The following STXBP5 variants were observed in gnomAD, a reference collection of about 807,000 sequenced individuals.
The protein encoded by STXBP5 is syntaxin-binding protein 5.
In STXBP5, 50 loss-of-function variants were observed where a neutral mutation model predicts 152.4. That is an observed-to-expected ratio of 0.33 (90% CI 0.26 to 0.42). The LOEUF is 0.42. Among genes scored for constraint, STXBP5 ranks in the 10% least tolerant of loss-of-function variants. STXBP5 has a pLI of 1.00. For synonymous variants in STXBP5, 492 were observed against 494.7 expected, an observed-to-expected ratio of 0.99 and a Z score of 0.07; for missense variants, 1,167 against 1,388.6, an observed-to-expected ratio of 0.84 and a Z score of 2.54.
At chr6:147,278,402 TAC>T (rs1322178723) in intron 8 of STXBP5, among the ~76,000 whole-genome samples, 198 bp downstream of exon 8, 1 of 152,206 alleles carries the variant, frequency 6.6e-6, no homozygotes, top group Non-Finnish European at 1.5e-5. Flanking sequence ...TAAGCATATT[TAC>T]AGTTGAAATT....
chr6:147,311,672 A>G (rs1369955414), intron 11 of STXBP5, 145 bp downstream of exon 11: 2 of 562,944 alleles, frequency 3.6e-6, no homozygotes, highest in African/African-American at 2.0e-5. Context: ...CCAGACTCAC[A>G]TATCTACTTA....
At chr6:147,218,141 A>T (rs1777269125) in intron 2 of STXBP5, among the ~76,000 whole-genome samples, 2 of 152,210 alleles carry the variant, frequency 1.3e-5, no homozygotes, top group Non-Finnish European at 2.9e-5. Flanking sequence ...AAACATTCGT[A>T]GCCTCCTCCA....
chr6:147,215,954 A>G (rs1337977357), intron 2 of STXBP5, among the ~76,000 whole-genome samples: 1 of 152,164 alleles, frequency 6.6e-6, no homozygotes, highest in Non-Finnish European at 1.5e-5. Context: ...TCATATACAT[A>G]TGTGTAGGTA....
At position 147,204,455 on chromosome 6, in the gene STXBP5, T is replaced by G. The variant is rs1776427727; in HGVS notation, c.-78T>G. On this transcript the variant is annotated 5_prime_UTR_variant, in exon 1 of 28. Transcript: ENST00000321680. This position sits in a 1 kb window ranked among gnomAD's most constrained non-coding sequence, Gnocchi z 4.3. ...TCCGTTTCCGCGGTCGAAGCTGCCT[T>G]CGGCCCCGGGTGGTCTCCCCCGCCC... 2.7e-6 allele frequency: 4 copies of G among 1,482,276 alleles called. No individual in the cohort carries two copies. The allele number at this position is 1,482,276 out of a possible 1,614,324, so 91.8% of individuals were successfully genotyped here.
At chr6:147,232,052 A>G (rs1269667397) in intron 2 of STXBP5, among the ~76,000 whole-genome samples, 1 of 151,818 alleles carries the variant, frequency 6.6e-6, no homozygotes, top group Non-Finnish European at 1.5e-5. Context: ...AGTACACTCT[A>G]TGTAGTTTAA....
intron 14 of STXBP5, among the ~76,000 whole-genome samples, chr6:147,314,939 A>G (rs1782567952): frequency 6.6e-6 from 1 of 152,154 alleles, no homozygotes; most frequent in Non-Finnish European, 1.5e-5. Flanking sequence ...AGAAATTTCT[A>G]GAATAATTTT....
intron 8 of STXBP5, among the ~76,000 whole-genome samples, chr6:147,280,357 G>A (rs953893965): frequency 2.0e-5 from 3 of 151,996 alleles, no homozygotes; most frequent in Admixed American, 6.6e-5. Context: ...CCTCTCAAGT[G>A]GAACTCGTTT....
At chr6:147,246,678 T>C (rs908766188) in intron 4 of STXBP5, among the ~76,000 whole-genome samples, 2 of 152,170 alleles carry the variant, frequency 1.3e-5, no homozygotes, top group Non-Finnish European at 2.9e-5. Flanking sequence ...TGCATCATTG[T>C]TTAGAGAATA....
chr6:147,375,142 A>G (rs1785747926), intron 26 of STXBP5, among the ~76,000 whole-genome samples: 1 of 152,224 alleles, frequency 6.6e-6, no homozygotes, highest in Non-Finnish European at 1.5e-5. Flanking sequence ...ATGACCAGAA[A>G]CCACTCATAG....
chr6:147,365,007 CT>C (rs1785231159), intron 25 of STXBP5, among the ~76,000 whole-genome samples: 1 of 152,134 alleles, frequency 6.6e-6, no homozygotes, highest in Non-Finnish European at 1.5e-5. Flanking sequence ...TAAGCATCAT[CT>C]TTAAAATTAG....
At chr6:147,249,415 CTGTT>C (rs1049137041) in intron 4 of STXBP5, among the ~76,000 whole-genome samples, 22 of 152,224 alleles carry the variant, frequency 1.4e-4, no homozygotes, top group African/African-American at 5.3e-4. Flanking sequence ...CCAAAACAAG[CTGTT>C]TGTAGGACTC....
At chr6:147,366,563 C>T (rs1015447146) in intron 25 of STXBP5, among the ~76,000 whole-genome samples, 4 of 152,260 alleles carry the variant, frequency 2.6e-5, no homozygotes, top group Admixed American at 1.3e-4. Context: ...GACATTGGGC[C>T]ACATCACTGG....
chr6:147,249,273 GGTATTA>G (rs1392968023), intron 4 of STXBP5, among the ~76,000 whole-genome samples: 5 of 152,096 alleles, frequency 3.3e-5, no homozygotes, highest in Admixed American at 3.3e-4. Context: ...AAATACACCT[GGTATTA>G]GTTTGGTACC....
intron 5 of STXBP5, 51 bp from the exon 6 acceptor site, chr6:147,262,239 T>C: frequency 9.9e-7 from 1 of 1,013,210 alleles, no homozygotes; most frequent in Non-Finnish European, 1.5e-6. Context: ...TATGTAGCCA[T>C]ATTAAAATTC....
At chr6:147,299,781 T>C (rs1781713345) in intron 9 of STXBP5, among the ~76,000 whole-genome samples, 1 of 152,006 alleles carries the variant, frequency 6.6e-6, no homozygotes, top group African/African-American at 2.4e-5. Context: ...TTGTGCACTT[T>C]CACCAGTTCT....
chr6:147,262,063 G>A (rs929401563), intron 5 of STXBP5, among the ~76,000 whole-genome samples: 1 of 151,894 alleles, frequency 6.6e-6, no homozygotes, highest in Non-Finnish European at 1.5e-5. Context: ...TATGCAGAAA[G>A]TGTACTTAAT....
intron 21 of STXBP5, among the ~76,000 whole-genome samples, chr6:147,350,652 T>C (rs974201102): frequency 6.6e-6 from 1 of 152,170 alleles, no homozygotes; most frequent in African/African-American, 2.4e-5. Flanking sequence ...TTTTAGTTTC[T>C]TAGAATTTTG....
At chr6:147,248,612 C>G (rs1778934449) in intron 4 of STXBP5, among the ~76,000 whole-genome samples, 2 of 152,238 alleles carry the variant, frequency 1.3e-5, no homozygotes, top group South Asian at 4.1e-4. Flanking sequence ...TCGGAAGTTT[C>G]TTGGGCAGTA....
chr6:147,335,183 A>G (rs1022774741), intron 19 of STXBP5, among the ~76,000 whole-genome samples: 7 of 152,194 alleles, frequency 4.6e-5, no homozygotes, highest in African/African-American at 1.7e-4. Flanking sequence ...AAACTAATAA[A>G]ACATATGGAG....
Sources: gnomAD v4.1 joint callset for allele counts (sites outside exome capture counted in the v4.1 genomes callset) on GRCh38, gnomAD v4.1.1 for gene constraint, Gnocchi (gnomAD v3.1) non-coding constraint, MANE v1.5 for transcripts, NCBI Gene and HGNC (gene_info 2026-07-23, HGNC 2026-07-21) for gene names.